The following ERBB4 variants were observed in gnomAD, a reference collection of about 807,000 sequenced individuals.
The protein encoded by ERBB4 is receptor tyrosine-protein kinase erbB-4.
Under a neutral mutation model 158.0 loss-of-function variants are expected in ERBB4, and 42 were observed. The ratio of observed to expected loss-of-function variants is 0.27; its 90% CI spans 0.21 to 0.34. The LOEUF (loss-of-function observed/expected upper bound fraction) is 0.34, where lower values mean the gene tolerates loss of function less well. Among genes scored for constraint, ERBB4 ranks in the 10% least tolerant of loss-of-function variants. The pLI, the probability that ERBB4 is intolerant of heterozygous loss-of-function variation, is 1.00. For missense variants in ERBB4, 1,333 were observed against 1,624.1 expected (o/e 0.82, Z 3.08); for synonymous variants, 583 against 558.7 (o/e 1.04, Z -0.61).
chr2:211,483,378 T>C (rs1216354421), intron 20 of ERBB4, among the ~76,000 whole-genome samples: 1 of 152,026 alleles, frequency 6.6e-6, no homozygotes, highest in East Asian at 1.9e-4. Flanking sequence ...GAAAAAGAAA[T>C]ATGAATTAAA....
At chr2:211,773,214 A>C (rs1169688466) in intron 4 of ERBB4, among the ~76,000 whole-genome samples, 5 of 151,206 alleles carry the variant, frequency 3.3e-5, no homozygotes, top group African/African-American at 1.2e-4. Flanking sequence ...GCAGTAAGAG[A>C]ATAAGACCAG....
At chr2:212,206,271 T>A (rs960807623) in intron 1 of ERBB4, among the ~76,000 whole-genome samples, 4 of 152,110 alleles carry the variant, frequency 2.6e-5, no homozygotes, top group Non-Finnish European at 5.9e-5. Flanking sequence ...GGCAGTCAAA[T>A]CATGTTTGAA....
chr2:212,177,973 T>C (rs1316199902), intron 1 of ERBB4, among the ~76,000 whole-genome samples: 1 of 151,644 alleles, frequency 6.6e-6, no homozygotes, highest in Non-Finnish European at 1.5e-5. Context: ...TGTGTGTGTG[T>C]GTGTGTGTTG....
chr2:212,372,784 G>C (rs1160490697), intron 1 of ERBB4, among the ~76,000 whole-genome samples: 1 of 152,020 alleles, frequency 6.6e-6, no homozygotes, highest in Non-Finnish European at 1.5e-5. Context: ...ACAAAAGCCT[G>C]ACCACATCTT....
intron 1 of ERBB4, among the ~76,000 whole-genome samples, chr2:212,407,209 T>G (rs2091372430): frequency 6.6e-6 from 1 of 151,656 alleles, no homozygotes; most frequent in Admixed American, 6.6e-5. Context: ...GTATGTATGT[T>G]GCCTTCACTG....
chr2:212,047,458 AT>A (rs1312207535), intron 2 of ERBB4, among the ~76,000 whole-genome samples: 4 of 151,294 alleles, frequency 2.6e-5, no homozygotes, highest in Non-Finnish European at 5.9e-5. Context: ...TCTCCTTCAT[AT>A]TAATTTTATT....
chr2:212,510,953 A>T lies in ERBB4; in HGVS notation c.82+27496T>A, dbSNP rs920111527. On this transcript the variant is annotated intron_variant, in intron 1 of 27. Transcript: ENST00000342788. ...ATGACTATTTGATTTATAGCCAGTA[A>T]AATTATAATAACAAAATACTAATAA... Among the ~76,000 whole-genome samples the T allele has an allele frequency of 5.9e-4, 90 of 152,286 alleles. 1 individual carries two copies. The highest frequency in any genetic ancestry group is 2.7e-3 in the East Asian group (14 of 5,182).
chr2:212,247,965 AAAATAAAAAAT>A (rs1309090412), intron 1 of ERBB4, among the ~76,000 whole-genome samples: 1 of 152,184 alleles, frequency 6.6e-6, no homozygotes, highest in Admixed American at 6.5e-5. Flanking sequence ...CCTCATCTCA[AAAATAAAAAAT>A]AAATAAAAAT....
chr2:212,191,741 TACATATAACAC>T (rs2082232894), intron 1 of ERBB4, among the ~76,000 whole-genome samples: 1 of 146,542 alleles, frequency 6.8e-6, no homozygotes, highest in East Asian at 2.0e-4. Flanking sequence ...TTATACATGT[TACATATAACAC>T]GTGTTATACA....
intron 1 of ERBB4, among the ~76,000 whole-genome samples, chr2:212,181,214 A>C (rs2081851276): frequency 6.6e-6 from 1 of 151,590 alleles, no homozygotes; most frequent in African/African-American, 2.4e-5. Flanking sequence ...ATTTATGATA[A>C]ACTTTAAACC....
intron 9 of ERBB4, among the ~76,000 whole-genome samples, chr2:211,709,274 T>TATATATATATATATATAC (rs1553615210): frequency 7.3e-6 from 1 of 136,558 alleles, no homozygotes; most frequent in African/African-American, 2.9e-5. Flanking sequence ...TATATATATA[T>TATATATATATATATATAC]ACATACATAT....
chr2:211,697,465 T>G (rs1212314596), intron 12 of ERBB4, among the ~76,000 whole-genome samples: 1 of 152,070 alleles, frequency 6.6e-6, no homozygotes, highest in Admixed American at 6.5e-5. Context: ...TAAACATTAG[T>G]TTATCAAAAG....
At chr2:212,133,827 T>A (rs1352148617) in intron 1 of ERBB4, among the ~76,000 whole-genome samples, 1 of 151,998 alleles carries the variant, frequency 6.6e-6, no homozygotes, top group East Asian at 1.9e-4. Context: ...AAAATAAAAA[T>A]AAAAGAGAAC....
chr2:212,042,704 G>T (rs371872300), intron 2 of ERBB4, among the ~76,000 whole-genome samples: 15 of 152,068 alleles, frequency 9.9e-5, no homozygotes, highest in East Asian at 9.7e-4. Flanking sequence ...TCGCTCCTTG[G>T]TTAAAGACTT....
chr2:211,715,431 C>A (rs1027870423), intron 7 of ERBB4, among the ~76,000 whole-genome samples: 3 of 152,186 alleles, frequency 2.0e-5, no homozygotes, highest in African/African-American at 7.2e-5. Flanking sequence ...GGGAACCCAA[C>A]CTGCAACAGG....
chr2:211,663,453 T>A (rs933411686), intron 15 of ERBB4, among the ~76,000 whole-genome samples: 4 of 152,180 alleles, frequency 2.6e-5, no homozygotes, highest in African/African-American at 7.2e-5. Context: ...TTCTGTTCAC[T>A]TGGAGTTCCC....
intron 9 of ERBB4, among the ~76,000 whole-genome samples, chr2:211,709,294 T>C (rs12469369): frequency 0.14 from 19,322 of 139,538 alleles, 1,575 homozygotes; most frequent in African/African-American, 0.21. Flanking sequence ...TATATATACA[T>C]ATATATATAT....
At chr2:211,678,303 A>C (rs1164241342) in intron 13 of ERBB4, among the ~76,000 whole-genome samples, 2 of 108,068 alleles carry the variant, frequency 1.9e-5, no homozygotes, top group African/African-American at 6.4e-5. Context: ...AAACAAACAA[A>C]AAAAAACAAA....
intron 2 of ERBB4, among the ~76,000 whole-genome samples, chr2:211,955,252 C>T (rs1306641088): frequency 6.6e-6 from 1 of 152,038 alleles, no homozygotes; most frequent in Non-Finnish European, 1.5e-5. Flanking sequence ...ATCTGCAGGC[C>T]ATTTCACTCA....
Sources: gnomAD v4.1 joint callset for allele counts (sites outside exome capture counted in the v4.1 genomes callset) on GRCh38, gnomAD v4.1.1 for gene constraint, MANE v1.5 for transcripts, NCBI Gene and HGNC (gene_info 2026-07-23, HGNC 2026-07-21) for gene names.